Variants in NPR3 observed in about 807,000 individuals in gnomAD.
The protein encoded by NPR3 is natriuretic peptide receptor 3, also known as atrial natriuretic peptide receptor 3.
NPR3 carries 34 observed loss-of-function variants against 54.5 expected under a neutral mutation model. That is an observed-to-expected ratio of 0.62 (90% CI 0.47 to 0.83). NPR3 has a LOEUF of 0.83. Ranked by LOEUF, NPR3 falls within the 40% of genes least tolerant of loss-of-function variation. NPR3 has a pLI of 0.00. For missense variants in NPR3, 674 were observed against 720.8 expected (o/e 0.94, Z 0.74); for synonymous variants, 289 against 297.1 (o/e 0.97, Z 0.28).
intron 3 of NPR3, among the ~76,000 whole-genome samples, chr5:32,750,725 C>T (rs1201522681): frequency 1.3e-5 from 2 of 152,080 alleles, no homozygotes; most frequent in Non-Finnish European, 2.9e-5. Context: ...TCCAAAATGC[C>T]CTAGCTCCTT....
At chr5:32,780,858 G>A (rs771128822) in intron 5 of NPR3, 42 bp downstream of exon 5, 18 of 871,168 alleles carry the variant, frequency 2.1e-5, no homozygotes, top group East Asian at 1.2e-4. Context: ...CCTTCTGCTC[G>A]TGGGGACTCT....
chr5:32,769,009 A>G (rs998406851), intron 3 of NPR3, among the ~76,000 whole-genome samples: 1 of 152,098 alleles, frequency 6.6e-6, no homozygotes, highest in African/African-American at 2.4e-5. Context: ...GCAGATTTTC[A>G]GCTTAACTTT....
At chr5:32,718,092 A>G (rs1387638259) in intron 1 of NPR3, among the ~76,000 whole-genome samples, 4 of 152,208 alleles carry the variant, frequency 2.6e-5, no homozygotes, top group Non-Finnish European at 5.9e-5. Flanking sequence ...CAATTTTCCC[A>G]GCACCATTTA....
intron 1 of NPR3, among the ~76,000 whole-genome samples, chr5:32,691,436 T>C (rs1032144316): frequency 2.6e-5 from 4 of 152,210 alleles, no homozygotes; most frequent in African/African-American, 9.6e-5. Context: ...GGTGACCTAA[T>C]TGAGGACAAT....
chr5:32,742,606 T>C (rs891668929), intron 3 of NPR3, among the ~76,000 whole-genome samples: 3 of 152,220 alleles, frequency 2.0e-5, no homozygotes, highest in Admixed American at 1.3e-4. Context: ...TCCCAATATG[T>C]ATTAAACAGA....
chr5:32,726,228 C>G (rs1739129655), intron 2 of NPR3, among the ~76,000 whole-genome samples: 1 of 152,202 alleles, frequency 6.6e-6, no homozygotes, highest in South Asian at 2.1e-4. Flanking sequence ...AAAACATACT[C>G]CCCGGTTTCC....
intron 3 of NPR3, among the ~76,000 whole-genome samples, chr5:32,751,089 G>A (rs1354169732): frequency 6.6e-6 from 1 of 152,000 alleles, no homozygotes; most frequent in Non-Finnish European, 1.5e-5. Context: ...GAGACTTTTA[G>A]GTTTTAAAGT....
intron 1 of NPR3, among the ~76,000 whole-genome samples, chr5:32,717,230 AT>A (rs1334323850): frequency 1.3e-5 from 2 of 152,080 alleles, no homozygotes; most frequent in African/African-American, 4.8e-5. Context: ...TATGTGCCAC[AT>A]TTTCTTAATC....
intron 3 of NPR3, among the ~76,000 whole-genome samples, chr5:32,741,841 T>A (rs1434359420): frequency 1.3e-5 from 2 of 151,580 alleles, no homozygotes; most frequent in Non-Finnish European, 2.9e-5. Context: ...TCCTCCTGCC[T>A]TCGACTCTGG....
Position 32,768,963 on chromosome 5 carries a change from C to T in NPR3, c.1060-5745C>T, listed in dbSNP as rs188030035. ...TGGTGCTTCCTGTCAGTCACCTGCC[C>T]TTTGCATTTTCCCAGAGTTCCACTG... On this transcript the variant is annotated intron_variant, in intron 3 of 7. Transcript: ENST00000265074. 3.8e-3 allele frequency among the ~76,000 whole-genome samples: 577 copies of T among 152,328 alleles called. 2 individuals are homozygous for T. Among genetic ancestry groups the T allele is most frequent in the African/African-American group, 0.013 (549 of 41,568 alleles).
upstream of NPR3, chr5:32,710,841 C>T: frequency 2.2e-6 from 3 of 1,375,756 alleles, no homozygotes; most frequent in Non-Finnish European, 2.9e-6. Flanking sequence ...CTAGAACCAT[C>T]CCTTTCCCCC....
chr5:32,762,728 T>G (rs888601680), intron 3 of NPR3, among the ~76,000 whole-genome samples: 2 of 152,194 alleles, frequency 1.3e-5, no homozygotes, highest in Admixed American at 1.3e-4. Context: ...ATTCTGAATA[T>G]TAGCCCTTTG....
At chr5:32,751,763 C>G (rs909005539) in intron 3 of NPR3, among the ~76,000 whole-genome samples, 1 of 152,106 alleles carries the variant, frequency 6.6e-6, no homozygotes, top group Admixed American at 6.5e-5. Flanking sequence ...GGTGGTTTAT[C>G]TAGCCAAGGT....
In NPR3 at chr5:32,779,715, A is replaced by G. The variant is rs191208922; in HGVS notation, c.1196-1007A>G. ...TCACTGAGTCCTCCCTGATTCTCCAACTTGTTGTGCTGGCTCCTCCTCTGA... is the reference window on the plus strand; with the variant it reads ...TCACTGAGTCCTCCCTGATTCTCCAGCTTGTTGTGCTGGCTCCTCCTCTGA... On this transcript the variant is annotated intron_variant, in intron 4 of 7. Transcript: ENST00000265074. Among the ~76,000 whole-genome samples the G allele has an allele frequency of 2.0e-3, 301 of 152,208 alleles. 3 individuals are homozygous for G. The highest frequency in any genetic ancestry group is 6.8e-3 in the African/African-American group (282 of 41,518).
In NPR3 at chr5:32,785,248, G is replaced by C. The variant is rs576948892; in HGVS notation, c.1514+365G>C. Reference sequence around the variant, plus strand: ...GTTCACTGCAACCTCCACCTCCTGGGTTCAAGCAATTCTGCCTCAGCCTCA... The same window carrying C: ...GTTCACTGCAACCTCCACCTCCTGGCTTCAAGCAATTCTGCCTCAGCCTCA... On this transcript the variant is annotated intron_variant, in intron 7 of 7. Transcript: ENST00000265074. 4.7e-5 allele frequency among the ~76,000 whole-genome samples: 7 copies of C among 149,982 alleles called. No homozygotes were observed. The South Asian group carries it at 1.5e-3, about 32-fold the overall frequency.
intron 1 of NPR3, among the ~76,000 whole-genome samples, chr5:32,718,642 C>G (rs950806296): frequency 2.6e-5 from 4 of 152,100 alleles, no homozygotes; most frequent in African/African-American, 9.7e-5. Flanking sequence ...TGATTTGGCT[C>G]TCTGTTTGTC....
chr5:32,693,661 A>T (rs1740455004), intron 1 of NPR3, among the ~76,000 whole-genome samples: 1 of 152,272 alleles, frequency 6.6e-6, no homozygotes, highest in Admixed American at 6.5e-5. Context: ...CTTGGGCCAC[A>T]TCACATCCTC....
At chr5:32,776,550 G>A (rs912978298) in intron 4 of NPR3, among the ~76,000 whole-genome samples, 1 of 152,162 alleles carries the variant, frequency 6.6e-6, no homozygotes, top group Non-Finnish European at 1.5e-5. Context: ...GTATATAAGA[G>A]TGCTAGTTTC....
intron 1 of NPR3, among the ~76,000 whole-genome samples, chr5:32,715,625 T>A (rs1738505381): frequency 6.6e-6 from 1 of 152,216 alleles, no homozygotes; most frequent in Non-Finnish European, 1.5e-5. Flanking sequence ...TATCTTTATT[T>A]AAAATAGATT....
Sources: allele counts gnomAD v4.1 joint callset (sites outside exome capture counted in the v4.1 genomes callset), GRCh38; gene constraint gnomAD v4.1.1; transcripts MANE v1.5; gene names NCBI Gene and HGNC (gene_info 2026-07-23, HGNC 2026-07-21).